Variants in RAB3GAP1 observed in about 807,000 individuals in gnomAD.
RAB3GAP1 encodes the protein rab3 GTPase-activating protein catalytic subunit.
RAB3GAP1 carries 86 observed loss-of-function variants against 130.7 expected under a neutral mutation model. The ratio of observed to expected loss-of-function variants is 0.66; its 90% CI spans 0.55 to 0.79. RAB3GAP1 has a LOEUF of 0.79. Among genes scored for constraint, RAB3GAP1 ranks in the 30% least tolerant of loss-of-function variants. RAB3GAP1 has a pLI of 0.00. For missense variants in RAB3GAP1, 1,029 were observed against 1,169.4 expected, an observed-to-expected ratio of 0.88 and a Z score of 1.75; for synonymous variants, 367 against 401.7, an observed-to-expected ratio of 0.91 and a Z score of 1.03.
chr2:135,060,128 A>G (rs181063466), intron 3 of RAB3GAP1, among the ~76,000 whole-genome samples: 37 of 152,222 alleles, frequency 2.4e-4, no homozygotes, highest in African/African-American at 8.7e-4. Context: ...AATGTCAACA[A>G]TTAATACTTT....
At chr2:135,093,046 A>AAC (rs1690190461) in intron 4 of RAB3GAP1, among the ~76,000 whole-genome samples, 2 of 152,248 alleles carry the variant, frequency 1.3e-5, no homozygotes, top group Admixed American at 6.5e-5. Flanking sequence ...ATAGCTATAC[A>AAC]ACAAAAATTA....
At chr2:135,143,104 TTTAAA>T (rs1691892021) in intron 17 of RAB3GAP1, among the ~76,000 whole-genome samples, 1 of 152,078 alleles carries the variant, frequency 6.6e-6, no homozygotes, top group Admixed American at 6.5e-5. Flanking sequence ...TAGACTTACT[TTTAAA>T]TTAGATTTCT....
chr2:135,096,405 G>A (rs1418356405), intron 5 of RAB3GAP1, among the ~76,000 whole-genome samples: 2 of 152,140 alleles, frequency 1.3e-5, no homozygotes, highest in Non-Finnish European at 2.9e-5. Context: ...ATTTGCAAAT[G>A]CAGGTAAACG....
intron 7 of RAB3GAP1, 84 bp from the exon 8 acceptor site, chr2:135,120,735 C>A: frequency 1.0e-6 from 1 of 980,828 alleles, no homozygotes; most frequent in Non-Finnish European, 1.7e-6. Context: ...TTAATCCATT[C>A]CATAAGTTTG....
chr2:135,067,841 C>T (rs1689363730), intron 3 of RAB3GAP1, among the ~76,000 whole-genome samples: 1 of 152,238 alleles, frequency 6.6e-6, no homozygotes, highest in African/African-American at 2.4e-5. Context: ...GGTTATCCTT[C>T]CACCTCAGCC....
intron 5 of RAB3GAP1, among the ~76,000 whole-genome samples, chr2:135,095,558 C>G (rs536271342): frequency 1.7e-4 from 26 of 152,244 alleles, no homozygotes; most frequent in Admixed American, 1.2e-3. Flanking sequence ...AATCAAAACT[C>G]ACTGTGTCTA....
chr2:135,081,075 A>AC (rs2104857687), intron 3 of RAB3GAP1, among the ~76,000 whole-genome samples: 2 of 152,082 alleles, frequency 1.3e-5, no homozygotes, highest in South Asian at 4.2e-4. Flanking sequence ...GCCATGAAGC[A>AC]AACGTTCATT....
rs1426112417 is a variant in RAB3GAP1, at chr2:135,088,342, T to C, written c.151-2656T>C. On this transcript the variant is annotated intron_variant, in intron 3 of 23. Transcript: ENST00000264158. ...ACTTTGGTATACGCAGTTGATGCCT[T>C]GATTTAACACAGGTCAACCTCATGG... Among the ~76,000 whole-genome samples the C allele has an allele frequency of 2.6e-5, 4 of 152,282 alleles. No individual in the cohort carries two copies. In the East Asian group the frequency reaches 5.8e-4, roughly 22 times the overall value.
chr2:135,054,567 AT>A (rs755989803), intron 2 of RAB3GAP1, among the ~76,000 whole-genome samples: 6 of 152,218 alleles, frequency 3.9e-5, no homozygotes, highest in Non-Finnish European at 7.3e-5. Flanking sequence ...GTAAGAATGA[AT>A]GTAAGGAAGT....
chr2:135,092,487 A>C (rs1355492924), intron 4 of RAB3GAP1, among the ~76,000 whole-genome samples: 8 of 152,192 alleles, frequency 5.3e-5, no homozygotes, highest in Admixed American at 3.3e-4. Flanking sequence ...TCCAGGCTGT[A>C]GGGCAATGGC....
At chr2:135,107,031 G>C (rs1690648126) in intron 5 of RAB3GAP1, among the ~76,000 whole-genome samples, 1 of 151,218 alleles carries the variant, frequency 6.6e-6, no homozygotes, top group African/African-American at 2.4e-5. Context: ...CAATACCCTT[G>C]GCTGACTTCT....
intron 3 of RAB3GAP1, among the ~76,000 whole-genome samples, chr2:135,074,382 C>G (rs1230346457): frequency 1.3e-5 from 2 of 152,354 alleles, no homozygotes; most frequent in Non-Finnish European, 2.9e-5. Flanking sequence ...CCTGTTCAGT[C>G]CCTAGCCTTC....
chr2:135,085,438 GGAA>G (rs1443435271), intron 3 of RAB3GAP1, among the ~76,000 whole-genome samples: 3 of 152,118 alleles, frequency 2.0e-5, no homozygotes, highest in African/African-American at 7.2e-5. Context: ...ATAACCACGT[GGAA>G]GAAGGATGGA....
At chr2:135,092,477 T>C (rs954313415) in intron 4 of RAB3GAP1, among the ~76,000 whole-genome samples, 1 of 152,270 alleles carries the variant, frequency 6.6e-6, no homozygotes, top group Admixed American at 6.5e-5. Context: ...ACTCTTGTTG[T>C]CCAGGCTGTA....
At chr2:135,153,952 G>A in intron 19 of RAB3GAP1, 76 bp downstream of exon 19, 11 of 1,399,468 alleles carry the variant, frequency 7.9e-6, no homozygotes, top group Admixed American at 5.3e-5. Context: ...TGTCATAGAC[G>A]TGAGAGTTTT....
At chr2:135,150,541 T>C (rs2104978045) in intron 18 of RAB3GAP1, 35 bp downstream of exon 18, 1 of 1,612,804 alleles carries the variant, frequency 6.2e-7, no homozygotes, top group Non-Finnish European at 8.5e-7. Flanking sequence ...GGGTCTATTT[T>C]GAGCTATTCT....
intron 22 of RAB3GAP1, among the ~76,000 whole-genome samples, chr2:135,164,202 AAAAAAC>A (rs1220611996): frequency 1.1e-4 from 17 of 152,262 alleles, no homozygotes; most frequent in Admixed American, 1.1e-3. Context: ...TACCCCTTAA[AAAAAAC>A]AAAAACAAAT....
downstream of RAB3GAP1, among the ~76,000 whole-genome samples, chr2:135,171,927 C>T (rs1388560341): frequency 1.3e-5 from 2 of 152,134 alleles, no homozygotes; most frequent in East Asian, 3.9e-4. Context: ...AATGAAAAGC[C>T]TGAGGCAGGA....
At chr2:135,097,829 T>G (rs1470395993) in intron 5 of RAB3GAP1, among the ~76,000 whole-genome samples, 2 of 152,232 alleles carry the variant, frequency 1.3e-5, no homozygotes, top group East Asian at 3.8e-4. Flanking sequence ...CATTTTTAAA[T>G]AGAGCTATAC....
Sources: allele counts gnomAD v4.1 joint callset (sites outside exome capture counted in the v4.1 genomes callset), GRCh38; gene constraint gnomAD v4.1.1; transcripts MANE v1.5; gene names NCBI Gene and HGNC (gene_info 2026-07-23, HGNC 2026-07-21).